SNTG1: variants seen among roughly 807,000 people sequenced by gnomAD.
SNTG1 encodes syntrophin gamma 1.
A neutral mutation model predicts 74.7 loss-of-function variants in SNTG1; 39 were observed. The ratio of observed to expected loss-of-function variants is 0.52; its 90% confidence interval spans 0.40 to 0.68. The LOEUF (loss-of-function observed/expected upper bound fraction) is 0.68, where lower values mean the gene tolerates loss of function less well. Ranked by LOEUF, SNTG1 falls within the 30% of genes least tolerant of loss-of-function variation. The pLI is 0.00. For synonymous variants in SNTG1, 254 were observed against 217.1 expected (o/e 1.17, Z -1.49); for missense variants, 685 against 609.5 (o/e 1.12, Z -1.30).
At chr8:50,763,822 C>A (rs1463247066) in intron 18 of SNTG1, among the ~76,000 whole-genome samples, 1 of 141,160 alleles carries the variant, frequency 7.1e-6, no homozygotes, top group African/African-American at 2.6e-5. Flanking sequence ...TTCAATTTTA[C>A]TTTTTTAGAG....
At chr8:50,495,790 G>A (rs1405440995) in intron 8 of SNTG1, among the ~76,000 whole-genome samples, 1 of 152,118 alleles carries the variant, frequency 6.6e-6, no homozygotes, top group Non-Finnish European at 1.5e-5. Context: ...GGAAACCACA[G>A]AAGGGTAGTA....
intron 8 of SNTG1, among the ~76,000 whole-genome samples, chr8:50,485,931 C>A (rs1444472164): frequency 6.6e-6 from 1 of 151,030 alleles, no homozygotes; most frequent in Non-Finnish European, 1.5e-5. Flanking sequence ...ATAGGGAATC[C>A]TGTCCCCATT....
chr8:50,339,379 AAAC>A (rs1287813847), intron 2 of SNTG1, among the ~76,000 whole-genome samples: 2 of 151,982 alleles, frequency 1.3e-5, no homozygotes, highest in African/African-American at 2.4e-5. Context: ...AAATAAATAA[AAAC>A]AAGATCTTGT....
chr8:50,735,499 G>A (rs1216418129), intron 17 of SNTG1, among the ~76,000 whole-genome samples: 2 of 151,584 alleles, frequency 1.3e-5, no homozygotes, highest in Admixed American at 1.3e-4. Context: ...TAGTCAAATC[G>A]ATCAATCAGA....
At position 49,973,385 on chromosome 8, in the gene SNTG1, G is replaced by T. The variant is rs577328914; in HGVS notation, c.-103+61154G>T. On this transcript the variant is annotated intron_variant, in intron 1 of 18. Transcript: ENST00000642720. ...TTGTGGGGTGGGGGGAAGGGGGAGG[G>T]GTAGCATTAGAAGATATACCTAATG... Among the ~76,000 whole-genome samples the T allele has an allele frequency of 5.9e-5, 9 of 151,896 alleles. 1 individual carries two copies. The South Asian group carries it at 1.7e-3, about 28-fold the overall frequency.
chr8:50,361,891 A>C (rs2091969073), intron 2 of SNTG1, among the ~76,000 whole-genome samples: 1 of 152,186 alleles, frequency 6.6e-6, no homozygotes, highest in Non-Finnish European at 1.5e-5. Flanking sequence ...TTCAGCATAG[A>C]AAAATACAGT....
intron 17 of SNTG1, among the ~76,000 whole-genome samples, chr8:50,718,133 A>G (rs1030982770): frequency 6.6e-6 from 1 of 152,132 alleles, no homozygotes; most frequent in Non-Finnish European, 1.5e-5. Context: ...ATGGGCCATT[A>G]GCAATAGTTG....
intron 2 of SNTG1, among the ~76,000 whole-genome samples, chr8:50,203,259 T>C (rs939836561): frequency 1.3e-5 from 2 of 152,172 alleles, no homozygotes; most frequent in Non-Finnish European, 2.9e-5. Context: ...TGAGAGTTTT[T>C]ATTTACATTA....
intron 1 of SNTG1, among the ~76,000 whole-genome samples, chr8:49,962,577 C>A (rs1313952937): frequency 6.6e-6 from 1 of 151,860 alleles, no homozygotes; most frequent in Non-Finnish European, 1.5e-5. Flanking sequence ...ACAGTAGATG[C>A]ATCCTGCCCT....
Position 50,233,070 on chromosome 8 carries a change from A to G in SNTG1, c.-28+60435A>G, listed in dbSNP as rs185501782. ...TGGATATAGACGTTATTGTTGTAAA[A>G]TTTATAGAATCAAGCCAAAAAAATG... is the stretch of plus-strand genomic sequence containing the variant. On this transcript the variant is annotated intron_variant, in intron 2 of 18. Coordinates refer to ENST00000642720, the MANE Select transcript of SNTG1 (RefSeq NM_018967.5). Among the ~76,000 whole-genome samples the G allele has an allele frequency of 3.4e-3, 510 of 151,670 alleles. 4 individuals carry two copies. Among genetic ancestry groups the G allele is most frequent in the African/African-American group, 0.012 (487 of 41,498 alleles).
At chr8:50,681,194 G>GT (rs1420906418) in intron 15 of SNTG1, among the ~76,000 whole-genome samples, 1 of 151,944 alleles carries the variant, frequency 6.6e-6, no homozygotes, top group African/African-American at 2.4e-5. Context: ...AATTTGCTTT[G>GT]TATTTACATA....
chr8:50,033,801 C>T (rs536984981), intron 1 of SNTG1, among the ~76,000 whole-genome samples: 2 of 152,186 alleles, frequency 1.3e-5, no homozygotes, highest in Non-Finnish European at 2.9e-5. Flanking sequence ...ATCTTCAATA[C>T]AGCCACATTC....
intron 5 of SNTG1, among the ~76,000 whole-genome samples, chr8:50,441,151 G>A (rs1032564672): frequency 6.6e-6 from 1 of 152,036 alleles, no homozygotes; most frequent in African/African-American, 2.4e-5. Flanking sequence ...TTGTTTTGTT[G>A]ATTAATATGT....
chr8:50,707,037 CAT>C (rs1344570464), intron 16 of SNTG1, among the ~76,000 whole-genome samples: 3 of 151,778 alleles, frequency 2.0e-5, no homozygotes, highest in Non-Finnish European at 2.9e-5. Context: ...CAATATTAAA[CAT>C]ATTAACTATA....
chr8:50,569,523 C>T (rs1386976541), intron 12 of SNTG1, among the ~76,000 whole-genome samples: 1 of 147,030 alleles, frequency 6.8e-6, no homozygotes, highest in Non-Finnish European at 1.5e-5. Flanking sequence ...AAAAAAAAAT[C>T]AAAAAACAAA....
intron 1 of SNTG1, among the ~76,000 whole-genome samples, chr8:50,084,545 A>G (rs1024964550): frequency 3.3e-5 from 5 of 152,228 alleles, no homozygotes; most frequent in African/African-American, 1.2e-4. Flanking sequence ...ACCTCAGATA[A>G]GTCATTTGCA....
chr8:50,371,672 CAT>C (rs2092272037), intron 2 of SNTG1, among the ~76,000 whole-genome samples: 1 of 152,144 alleles, frequency 6.6e-6, no homozygotes, highest in Non-Finnish European at 1.5e-5. Context: ...CTATTTCTAA[CAT>C]AAATTCTGTC....
chr8:50,020,791 C>A (rs1389302442), intron 1 of SNTG1, among the ~76,000 whole-genome samples: 4 of 152,110 alleles, frequency 2.6e-5, no homozygotes, highest in East Asian at 3.9e-4. Context: ...CGATCCAATG[C>A]ACCTTGGATT....
At chr8:50,136,684 T>G (rs1396846036) in intron 1 of SNTG1, among the ~76,000 whole-genome samples, 6 of 152,100 alleles carry the variant, frequency 3.9e-5, no homozygotes, top group Non-Finnish European at 7.3e-5. Flanking sequence ...AAGCATCAAT[T>G]TAATACCTGG....
Sources: allele counts gnomAD v4.1 joint callset (sites outside exome capture counted in the v4.1 genomes callset), GRCh38; gene constraint gnomAD v4.1.1; transcripts MANE v1.5; gene names NCBI Gene and HGNC (gene_info 2026-07-23, HGNC 2026-07-21).